The following STPG2 variants were observed in gnomAD, a reference collection of about 807,000 sequenced individuals.
STPG2 encodes sperm tail PG-rich repeat containing 2, also known as sperm-tail PG-rich repeat-containing protein 2.
Under a neutral mutation model 54.2 loss-of-function variants are expected in STPG2, and 56 were observed. The ratio of observed to expected loss-of-function variants is 1.03; its 90% CI spans 0.83 to 1.29. STPG2 has a LOEUF of 1.29. STPG2 is among the 50% of genes most tolerant of loss of function. STPG2 has a pLI of 0.00. For synonymous variants in STPG2, 200 were observed against 181.8 expected, an observed-to-expected ratio of 1.10 and a Z score of -0.81; for missense variants, 596 against 544.9, an observed-to-expected ratio of 1.09 and a Z score of -0.93.
chr4:97,545,091 A>G (rs988977112), intron 4 of STPG2, among the ~76,000 whole-genome samples: 4 of 152,120 alleles, frequency 2.6e-5, no homozygotes, highest in Non-Finnish European at 5.9e-5. Flanking sequence ...TATATCTAAA[A>G]AACACCCAAG....
chr4:97,686,812 G>A (rs1051546867), intron 10 of STPG2, among the ~76,000 whole-genome samples: 1 of 151,664 alleles, frequency 6.6e-6, no homozygotes, highest in African/African-American at 2.4e-5. Context: ...TAGTGTTATG[G>A]ACTAATATTT....
chr4:97,557,982 T>A (rs1056942439), downstream of STPG2, among the ~76,000 whole-genome samples: 3 of 152,138 alleles, frequency 2.0e-5, no homozygotes, highest in Non-Finnish European at 2.9e-5. Context: ...GAACACAGAC[T>A]ACTTCCTAAG....
At chr4:97,855,471 T>C (rs1729303370) in intron 8 of STPG2, among the ~76,000 whole-genome samples, 1 of 152,182 alleles carries the variant, frequency 6.6e-6, no homozygotes, top group Admixed American at 6.6e-5. Flanking sequence ...TTATGTCTTA[T>C]TTTGAGAAGT....
At chr4:97,963,311 T>C (rs1733960645) in intron 7 of STPG2, among the ~76,000 whole-genome samples, 1 of 152,136 alleles carries the variant, frequency 6.6e-6, no homozygotes, top group African/African-American at 2.4e-5. Flanking sequence ...ATTTAAAATA[T>C]ACTTATATCA....
chr4:97,840,045 C>A (rs1728748441), intron 9 of STPG2, among the ~76,000 whole-genome samples: 1 of 151,352 alleles, frequency 6.6e-6, no homozygotes, highest in Non-Finnish European at 1.5e-5. Flanking sequence ...AGTGTTACTG[C>A]TTTAGAACAA....
rs141823221 is a variant in STPG2 at position 97,949,111 on chromosome 4, A to G, written c.934-5104T>C. Among the ~76,000 whole-genome samples, 387 of 152,194 alleles carry G rather than the reference A, an allele frequency of 2.5e-3. 3 individuals are homozygous for G. Among genetic ancestry groups the G allele is most frequent in the African/African-American group, 8.7e-3 (363 of 41,550 alleles). On this transcript the variant is annotated intron_variant, in intron 7 of 10. Transcript: ENST00000295268. Reference sequence around the variant, plus strand: ...GAGCTCCAGGGATAAGTGCTTATACATTTAAAATTATAATATCTTCTCGTT... The same window carrying G: ...GAGCTCCAGGGATAAGTGCTTATACGTTTAAAATTATAATATCTTCTCGTT...
intron 10 of STPG2, among the ~76,000 whole-genome samples, chr4:97,633,145 A>G (rs1367208852): frequency 6.6e-6 from 1 of 152,182 alleles, no homozygotes; most frequent in African/African-American, 2.4e-5. Flanking sequence ...TGCCATTTAC[A>G]TTCTTATAAT....
intron 9 of STPG2, among the ~76,000 whole-genome samples, chr4:97,836,622 T>C (rs758930918): frequency 2.6e-5 from 4 of 151,704 alleles, no homozygotes; most frequent in Non-Finnish European, 4.4e-5. Context: ...TAACATTATT[T>C]GGAATTGATT....
intron 9 of STPG2, among the ~76,000 whole-genome samples, chr4:97,796,605 C>T (rs1017115796): frequency 6.6e-6 from 1 of 152,096 alleles, no homozygotes; most frequent in Non-Finnish European, 1.5e-5. Context: ...TTACTGTAGC[C>T]TTGTAGTATA....
At chr4:97,530,230 G>T (rs1333993766) in intron 4 of STPG2, among the ~76,000 whole-genome samples, 1 of 152,144 alleles carries the variant, frequency 6.6e-6, no homozygotes, top group East Asian at 1.9e-4. Context: ...ATCCTCTGTT[G>T]AATTCTCCTA....
intron 10 of STPG2, among the ~76,000 whole-genome samples, chr4:97,620,122 C>A (rs12641458): frequency 0.48 from 72,662 of 151,986 alleles, 19,617 homozygotes; most frequent in South Asian, 0.65. Context: ...CTGCACCCAG[C>A]CACATTATTA....
intron 4 of STPG2, among the ~76,000 whole-genome samples, chr4:97,461,855 AG>A (rs1367879999): frequency 6.6e-6 from 1 of 152,050 alleles, no homozygotes; most frequent in African/African-American, 2.4e-5. Context: ...ATTCATTTCT[AG>A]ATATCTATAA....
intron 8 of STPG2, among the ~76,000 whole-genome samples, chr4:97,863,503 G>A (rs183268068): frequency 2.3e-3 from 343 of 152,216 alleles, no homozygotes; most frequent in Admixed American, 5.4e-3. Context: ...ATTCATAGCC[G>A]AATTCTACCA....
rs568827735 is a variant in STPG2, at chr4:98,114,061, T to A, written c.388-4756A>T. Among the ~76,000 whole-genome samples, 7 of 145,274 alleles carry A rather than the reference T, an allele frequency of 4.8e-5. No homozygotes were observed. In the East Asian group the frequency reaches 1.2e-3, roughly 25 times the overall value. ...AGTAGTTGAAAACACTCCTCTCTCCTCTTCTTATAGGGTCAGTGGCAATTC... is the reference window on the plus strand; with the variant it reads ...AGTAGTTGAAAACACTCCTCTCTCCACTTCTTATAGGGTCAGTGGCAATTC... On this transcript the variant is annotated intron_variant, in intron 3 of 10. Transcript: ENST00000295268.
chr4:97,857,597 A>C (rs569748428), intron 8 of STPG2, among the ~76,000 whole-genome samples: 2 of 152,118 alleles, frequency 1.3e-5, no homozygotes, highest in African/African-American at 4.8e-5. Flanking sequence ...TTTTCAAAAC[A>C]ATGTCTCCTG....
chr4:97,726,243 G>C (rs1289039261), intron 9 of STPG2, among the ~76,000 whole-genome samples: 1 of 151,902 alleles, frequency 6.6e-6, no homozygotes, highest in Non-Finnish European at 1.5e-5. Flanking sequence ...GGTGGCTAAA[G>C]TAGTCAAATT....
At chr4:98,085,982 C>T (rs971306634) in intron 5 of STPG2, among the ~76,000 whole-genome samples, 4 of 151,938 alleles carry the variant, frequency 2.6e-5, no homozygotes, top group Admixed American at 6.6e-5. Context: ...AGGTAGGCAA[C>T]GGCTCAGATG....
intron 8 of STPG2, among the ~76,000 whole-genome samples, chr4:97,923,415 C>T (rs772314545): frequency 1.3e-5 from 2 of 152,198 alleles, no homozygotes; most frequent in Non-Finnish European, 2.9e-5. Context: ...AGGCGCACAG[C>T]GCAGGACTGG....
At chr4:97,565,201 T>C (rs937309312) in intron 10 of STPG2, among the ~76,000 whole-genome samples, 6 of 152,190 alleles carry the variant, frequency 3.9e-5, no homozygotes, top group Admixed American at 2.6e-4. Context: ...CCATCACTGA[T>C]ACCCTTTCTT....
Sources: allele counts gnomAD v4.1 joint callset (sites outside exome capture counted in the v4.1 genomes callset), GRCh38; gene constraint gnomAD v4.1.1; transcripts MANE v1.5; gene names NCBI Gene and HGNC (gene_info 2026-07-23, HGNC 2026-07-21).